Variants in AKAP9 observed in about 807,000 individuals in gnomAD.
AKAP9 encodes the protein A-kinase anchoring protein 9.
A neutral mutation model predicts 488.5 loss-of-function variants in AKAP9; 311 were observed. That is an observed-to-expected ratio of 0.64 (90% CI 0.58 to 0.70). AKAP9 has a LOEUF of 0.70. Among genes scored for constraint, AKAP9 ranks in the 30% least tolerant of loss-of-function variants. AKAP9 has a pLI of 0.00. For synonymous variants in AKAP9, 1,462 were observed against 1,483.5 expected (o/e 0.99, Z 0.33); for missense variants, 4,215 against 4,374.5 (o/e 0.96, Z 1.03).
Position 92,096,873 on chromosome 7 carries a change from A to T in AKAP9, c.9914A>T (p.Glu3305Val), listed in dbSNP as rs1367791935. The T allele has an allele frequency of 6.2e-7, 1 of 1,614,184 alleles. No homozygotes were observed. The highest frequency in any genetic ancestry group is 8.5e-7 in the Non-Finnish European group (1 of 1,180,042). ...NLELQVLLES[E>V]KVRIREMSST... ...GAGCTTCAGGTACTTCTTGAATCTG[A>T]GAAAGTTCGAATTCGGGAAATGAGT... The change falls in exon 41 of 50, where the codon GAG becomes GTG. Residue 3305 changes from glutamate (E) to valine (V), a missense_variant. By Grantham distance (121) the Glu-to-Val change is moderately radical (BLOSUM62 -2). Around this residue, in one of 5 missense-constraint regions of AKAP9, gnomAD observed 1,476 missense variants for 1,477.4 expected, o/e 1.00. Coordinates refer to ENST00000356239, the MANE Select transcript of AKAP9 (RefSeq NM_005751.5).
chr7:92,073,010 A>G (rs978459924), intron 28 of AKAP9, among the ~76,000 whole-genome samples: 6 of 152,142 alleles, frequency 3.9e-5, no homozygotes, highest in African/African-American at 9.7e-5. Context: ...TTGTGATACT[A>G]TACTGCCAAA....
chr7:92,086,337 T>C lies in AKAP9; in HGVS notation c.9134T>C (p.Phe3045Ser), dbSNP rs546876949. 5 of 1,613,998 alleles carry C rather than the reference T, an allele frequency of 3.1e-6. No homozygotes were observed. In the East Asian group the frequency reaches 1.1e-4, roughly 36 times the overall value. ...GAGCGTAGTGTTTTACTAGCAGCAT[T>C]TCGGACGGAGCTGACAGCTCTAGGT... ...LEERSVLLAAFRTELTALGTT... is the reference protein window; with the variant it reads ...LEERSVLLAASRTELTALGTT... The change falls in exon 37 of 50, where the codon TTT (phenylalanine) becomes TCT (serine). Residue 3045 changes from phenylalanine to serine, a missense_variant. Transcript: ENST00000356239.
At position 92,108,494 on chromosome 7, in the gene AKAP9, G is replaced by A; in HGVS notation, c.11547G>A (p.Arg3849=). The change falls in exon 49 of 50, where the codon AGG becomes AGA. Residue 3849 remains arginine, a splice_region_variant and synonymous_variant. Coordinates refer to ENST00000356239, the MANE Select transcript of AKAP9 (RefSeq NM_005751.5). ...YIRSPLPFQN[R]YPGTPADFNP... ...CATGTACATATTTTTAATCCTTTAGGTACCCAGGCACTCCAGCTGATTTCA... is the reference window on the plus strand; with the variant it reads ...CATGTACATATTTTTAATCCTTTAGATACCCAGGCACTCCAGCTGATTTCA... The A allele has an allele frequency of 1.2e-6, 2 of 1,613,814 alleles. No homozygotes were observed. Among genetic ancestry groups the A allele is most frequent in the Non-Finnish European group, 1.7e-6 (2 of 1,179,984 alleles).
chr7:92,023,363 G>A (rs1017868628), intron 14 of AKAP9, among the ~76,000 whole-genome samples: 2 of 152,156 alleles, frequency 1.3e-5, no homozygotes, highest in African/African-American at 4.8e-5. Context: ...ATATAAGGTA[G>A]GATCATTCCA....
At chr7:92,061,621 A>ATATATATATATATATATATAT (rs1809856756) in intron 23 of AKAP9, among the ~76,000 whole-genome samples, 199 bp downstream of exon 23, 8 of 93,876 alleles carry the variant, frequency 8.5e-5, no homozygotes, top group African/African-American at 2.9e-4. Flanking sequence ...TATATATATA[A>ATATATATATATATATATATAT]AATTATAAAA....
chr7:92,072,165 A>G (rs1248262061), intron 28 of AKAP9, among the ~76,000 whole-genome samples: 1 of 152,174 alleles, frequency 6.6e-6, no homozygotes, highest in Non-Finnish European at 1.5e-5. Context: ...CTGATTTTAT[A>G]TTTTTATTAT....
At position 92,001,972 on chromosome 7, in the gene AKAP9, G is replaced by A; in HGVS notation, c.2055G>A (p.Lys685=). 6.2e-7 allele frequency: 1 copy of A among 1,612,854 alleles called. No homozygotes were observed. The highest frequency in any genetic ancestry group is 8.5e-7 in the Non-Finnish European group (1 of 1,179,572). The part of the protein sequence containing the change: ...SQKIETMQFE[K]DNLITKQNQL... ...AGATAGAAACCATGCAGTTTGAAAAGGACAATTTGATAACTAAGCAGAATC... is the reference window on the plus strand; with the variant it reads ...AGATAGAAACCATGCAGTTTGAAAAAGACAATTTGATAACTAAGCAGAATC... Residue 685 remains lysine (K), a synonymous_variant, in exon 8 of 50, where the codon AAG becomes AAA. Coordinates refer to ENST00000356239, the MANE Select transcript of AKAP9 (RefSeq NM_005751.5).
Position 92,078,149 on chromosome 7 carries a change from A to G in AKAP9, c.6945+274A>G, listed in dbSNP as rs530509479. On this transcript the variant is annotated intron_variant, in intron 30 of 49. Coordinates refer to ENST00000356239, the MANE Select transcript of AKAP9 (RefSeq NM_005751.5). ...GTAGCTGGGATTACAGGCACCCACC[A>G]TCACACCTGGCTAATTTTTTGTATT... Among the ~76,000 whole-genome samples the G allele has an allele frequency of 1.1e-4, 17 of 152,046 alleles. No homozygotes were observed. The South Asian group carries it at 2.7e-3, about 24-fold the overall frequency.
chr7:92,082,765 G>A (rs1813808265), intron 32 of AKAP9, 103 bp downstream of exon 32: 1 of 1,310,484 alleles, frequency 7.6e-7, no homozygotes, highest in African/African-American at 1.5e-5. Context: ...TAACTTAAAA[G>A]CTAGATAAAA....
chr7:92,089,257 TAAGAAAATTTTTTAAAA>T, intron 37 of AKAP9, 111 bp from the exon 38 acceptor site: 1 of 936,722 alleles, frequency 1.1e-6, no homozygotes, highest in Non-Finnish European at 1.6e-6. Flanking sequence ...AAAGGAAAAA[TAAGAAAATTTTTTAAAA>T]AAGAAAATTT....
At chr7:92,093,605 T>A (rs1465329334) in intron 39 of AKAP9, among the ~76,000 whole-genome samples, 1 of 152,200 alleles carries the variant, frequency 6.6e-6, no homozygotes, top group Non-Finnish European at 1.5e-5. Flanking sequence ...GAAGTGATAT[T>A]TATGAACGCA....
intron 48 of AKAP9, 110 bp from the exon 49 acceptor site, chr7:92,108,384 A>G: frequency 1.0e-6 from 1 of 983,866 alleles, no homozygotes; most frequent in South Asian, 1.3e-5. Flanking sequence ...GAGATACATT[A>G]TGTGTGTACA....
At chr7:92,042,332 C>T (rs1236572755) in intron 19 of AKAP9, 146 bp downstream of exon 19, 10 of 1,042,922 alleles carry the variant, frequency 9.6e-6, no homozygotes, top group Non-Finnish European at 1.4e-5. Context: ...TAGGTGGAGT[C>T]AAAATGCCTT....
chr7:91,943,954 A>G (rs928421256), intron 1 of AKAP9, among the ~76,000 whole-genome samples: 1 of 152,194 alleles, frequency 6.6e-6, no homozygotes, highest in Admixed American at 6.5e-5. Flanking sequence ...ACAACTTACA[A>G]ATCTTTTTGG....
intron 30 of AKAP9, among the ~76,000 whole-genome samples, chr7:92,078,540 C>T (rs1254797164): frequency 1.3e-5 from 2 of 151,328 alleles, no homozygotes; most frequent in African/African-American, 4.9e-5. Context: ...CCACTGCACT[C>T]CAGCTTGGGT....
In AKAP9 at chr7:92,105,731, A is replaced by G. The variant is rs759183266; in HGVS notation, c.11384A>G (p.Asn3795Ser). 16 of 1,614,032 alleles carry G rather than the reference A, an allele frequency of 9.9e-6. No individual in the cohort carries two copies. The highest frequency in any genetic ancestry group is 2.7e-5 in the African/African-American group (2 of 74,918). Residue 3795 changes from asparagine to serine, a missense_variant, in exon 47 of 50, where the codon AAT (asparagine) becomes AGT (serine). Asn to Ser is a conservative substitution (Grantham distance 46). Coordinates refer to ENST00000356239, the MANE Select transcript of AKAP9 (RefSeq NM_005751.5). ...CGAGTCACAGGTTCTGTTTCCATCA[A>G]TATTAACAGAGATGGCTTTGGACTG... is the stretch of plus-strand genomic sequence containing the variant. ...WHRVTGSVSININRDGFGLNQ... is the reference protein window; with the variant it reads ...WHRVTGSVSISINRDGFGLNQ...
chr7:92,105,918 C>T (rs1818441711), intron 47 of AKAP9, among the ~76,000 whole-genome samples, 155 bp downstream of exon 47: 1 of 152,272 alleles, frequency 6.6e-6, no homozygotes, highest in Non-Finnish European at 1.5e-5. Context: ...AGCTCCACCT[C>T]CTGTCAGATC....
chr7:92,061,036 G>A (rs888915947), intron 22 of AKAP9, among the ~76,000 whole-genome samples: 2 of 152,126 alleles, frequency 1.3e-5, no homozygotes, highest in Non-Finnish European at 2.9e-5. Context: ...GTTCAGTAAA[G>A]CTAGAATACA....
chr7:92,041,877 A>T, intron 18 of AKAP9, 169 bp from the exon 19 acceptor site: 1 of 622,252 alleles, frequency 1.6e-6, no homozygotes, highest in Non-Finnish European at 2.6e-6. Flanking sequence ...AAAATATTTT[A>T]AATTTTGCAT....
Sources: allele counts gnomAD v4.1 joint callset (sites outside exome capture counted in the v4.1 genomes callset), GRCh38; gene constraint gnomAD v4.1.1; regional missense constraint gnomAD v4.1.1; transcripts MANE v1.5; gene names NCBI Gene and HGNC (gene_info 2026-07-23, HGNC 2026-07-21).